Variants in GPATCH8 observed in about 807,000 individuals in gnomAD.
GPATCH8 encodes the protein G-patch domain containing 8, also known as G patch domain-containing protein 8.
GPATCH8 carries 18 observed loss-of-function variants against 118.3 expected under a neutral mutation model. The ratio of observed to expected loss-of-function variants is 0.15; its 90% CI spans 0.11 to 0.23. The LOEUF (loss-of-function observed/expected upper bound fraction) is 0.23, where lower values mean the gene tolerates loss of function less well. GPATCH8 is among the 10% of genes least tolerant of loss of function. The pLI, the probability that GPATCH8 is intolerant of heterozygous loss-of-function variation, is 1.00. For synonymous variants in GPATCH8, 659 were observed against 684.7 expected, an observed-to-expected ratio of 0.96 and a Z score of 0.59; for missense variants, 1,631 against 1,873.8, an observed-to-expected ratio of 0.87 and a Z score of 2.39.
chr17:44,445,125 A>C (rs560638664), intron 3 of GPATCH8, among the ~76,000 whole-genome samples: 96 of 152,346 alleles, frequency 6.3e-4, no homozygotes, highest in African/African-American at 2.3e-3. Flanking sequence ...TTAGAGCCTT[A>C]AGGCTTGTTC....
At chr17:44,477,706 CAA>C (rs377109592) in intron 1 of GPATCH8, among the ~76,000 whole-genome samples, 10 of 115,758 alleles carry the variant, frequency 8.6e-5, no homozygotes, top group Admixed American at 1.7e-4. Flanking sequence ...TTTCCAAAGA[CAA>C]AAAAAAAAAG....
intron 6 of GPATCH8, among the ~76,000 whole-genome samples, chr17:44,413,980 G>A (rs1366412735): frequency 6.6e-6 from 1 of 151,078 alleles, no homozygotes; most frequent in Non-Finnish European, 1.5e-5. Context: ...TGCTTGTTTT[G>A]CTATTTTCAG....
intron 3 of GPATCH8, among the ~76,000 whole-genome samples, chr17:44,464,111 A>T (rs545783311): frequency 2.6e-5 from 4 of 152,290 alleles, no homozygotes; most frequent in Admixed American, 2.6e-4. Flanking sequence ...TATAATACTG[A>T]AGCCAGAATA....
chr17:44,450,788 TAA>T (rs759414083), intron 3 of GPATCH8, among the ~76,000 whole-genome samples: 3 of 152,182 alleles, frequency 2.0e-5, no homozygotes, highest in Non-Finnish European at 4.4e-5. Flanking sequence ...CATGGAAGAA[TAA>T]AGAGATTCCA....
At chr17:44,405,727 A>ATCTCCTGACCTCGTGAT (rs2143698170) in intron 7 of GPATCH8, among the ~76,000 whole-genome samples, 194 bp downstream of exon 7, 1 of 137,804 alleles carries the variant, frequency 7.3e-6, no homozygotes, top group Non-Finnish European at 1.6e-5. Flanking sequence ...GATGGTCTCA[A>ATCTCCTGACCTCGTGAT]TCTCCTGACC....
In GPATCH8 at chr17:44,399,925, T is replaced by C; in HGVS notation, c.2152A>G (p.Lys718Glu). Residue 718 changes from lysine to glutamate, a missense_variant, in exon 8 of 8, where the codon AAG becomes GAG. Lys to Glu is a moderately conservative substitution (Grantham distance 56). Around this residue, in one of 8 missense-constraint regions of GPATCH8, gnomAD observed 922 missense variants for 879.7 expected, o/e 1.05. Transcript: ENST00000591680. ...TCTGCTGGGGCTGATGACTTATTCT[T>C]CTTTCGTTTTCGTTTCTTGCGCTTC... ...SKKRKKRKRK[K>E]NKSSAPADSE... 6.2e-7 allele frequency: 1 copy of C among 1,614,044 alleles called. No individual in the cohort carries two copies. Among genetic ancestry groups the C allele is most frequent in the Non-Finnish European group, 8.5e-7 (1 of 1,179,992 alleles).
At chr17:44,501,805 C>T (rs1210251705) in intron 1 of GPATCH8, among the ~76,000 whole-genome samples, 2 of 152,234 alleles carry the variant, frequency 1.3e-5, no homozygotes, top group African/African-American at 2.4e-5. Context: ...TGAGATTATT[C>T]TCTCCTCTGA....
chr17:44,418,324 G>A (rs1414922614), intron 6 of GPATCH8, among the ~76,000 whole-genome samples: 1 of 152,138 alleles, frequency 6.6e-6, no homozygotes, highest in Non-Finnish European at 1.5e-5. Flanking sequence ...ATATCCATCA[G>A]CAGACAAATT....
chr17:44,478,467 A>G (rs1351586011), intron 1 of GPATCH8, among the ~76,000 whole-genome samples: 2 of 152,096 alleles, frequency 1.3e-5, no homozygotes, highest in African/African-American at 4.8e-5. Context: ...CTTGGGCAAC[A>G]TAGCGAGCAA....
At chr17:44,465,338 A>G (rs1301390311) in intron 2 of GPATCH8, 1 of 152,196 alleles carries the variant, frequency 6.6e-6, no homozygotes, top group Non-Finnish European at 1.5e-5. Context: ...AAACCAACAT[A>G]CATAATGTCT....
Position 44,398,760 on chromosome 17 carries a change from G to A in GPATCH8, c.3317C>T (p.Pro1106Leu). The A allele has an allele frequency of 1.2e-6, 2 of 1,613,686 alleles. No individual in the cohort carries two copies. Among genetic ancestry groups the A allele is most frequent in the African/African-American group, 2.7e-5 (2 of 75,012 alleles). ...KIQSRKVERKPSVSEEVQATP... is the reference protein window; with the variant it reads ...KIQSRKVERKLSVSEEVQATP... ...GGCCTGCACCTCCTCACTCACACTA[G>A]GTTTCCTCTCCACTTTCCTTGACTG... The change falls in exon 8 of 8, where the codon CCT becomes CTT. Residue 1106 changes from proline (P) to leucine (L), a missense_variant. By Grantham distance (98) the Pro-to-Leu change is moderately conservative. Coordinates refer to ENST00000591680, the MANE Select transcript of GPATCH8 (RefSeq NM_001002909.4).
chr17:44,478,509 C>T (rs1156760478), intron 1 of GPATCH8, among the ~76,000 whole-genome samples: 4 of 151,824 alleles, frequency 2.6e-5, no homozygotes, highest in Admixed American at 6.6e-5. Context: ...ACTAGATGGG[C>T]GTGGTGGTGT....
chr17:44,493,505 T>C (rs1000069128), intron 1 of GPATCH8, among the ~76,000 whole-genome samples: 1 of 152,322 alleles, frequency 6.6e-6, no homozygotes, highest in Non-Finnish European at 1.5e-5. Flanking sequence ...CTGGAGATAA[T>C]ACCAACACTT....
intron 2 of GPATCH8, among the ~76,000 whole-genome samples, chr17:44,474,098 C>T (rs1018027894): frequency 1.7e-4 from 26 of 152,036 alleles, no homozygotes; most frequent in Admixed American, 1.0e-3. Context: ...CACTTAAGCA[C>T]AAATAGTAAC....
chr17:44,423,044 G>A (rs59601921), intron 6 of GPATCH8, among the ~76,000 whole-genome samples: 37,693 of 151,324 alleles, frequency 0.25, 4,796 homozygotes, highest in South Asian at 0.41. Context: ...CGAGGTGGGC[G>A]GATCACGAGG....
At chr17:44,445,671 A>AT (rs1282156721) in intron 3 of GPATCH8, 4 of 151,966 alleles carry the variant, frequency 2.6e-5, no homozygotes, top group Admixed American at 1.3e-4. Flanking sequence ...CAGGTGGCTA[A>AT]TTTTTTGTAT....
At chr17:44,428,726 C>T (rs973767458) in intron 5 of GPATCH8, among the ~76,000 whole-genome samples, 2 of 151,700 alleles carry the variant, frequency 1.3e-5, no homozygotes, top group Non-Finnish European at 2.9e-5. Flanking sequence ...TCGCTTGAGT[C>T]CAGGAGGTCG....
At chr17:44,437,525 TA>T (rs1209687215) in intron 3 of GPATCH8, among the ~76,000 whole-genome samples, 2 of 152,132 alleles carry the variant, frequency 1.3e-5, no homozygotes, top group Admixed American at 1.3e-4. Flanking sequence ...CAGGCTGGTG[TA>T]AACAATTGGT....
intron 5 of GPATCH8, 34 bp downstream of exon 5, chr17:44,435,031 C>G (rs895332547): frequency 2.3e-6 from 2 of 888,040 alleles, no homozygotes; most frequent in Non-Finnish European, 3.9e-6. Context: ...GTGAGCACCT[C>G]CCCATCTCCC....
Sources: allele counts gnomAD v4.1 joint callset (sites outside exome capture counted in the v4.1 genomes callset), GRCh38; gene constraint gnomAD v4.1.1; regional missense constraint gnomAD v4.1.1; transcripts MANE v1.5; gene names NCBI Gene and HGNC (gene_info 2026-07-23, HGNC 2026-07-21).